Variants in NXPH1 observed in about 807,000 individuals in gnomAD.
NXPH1 encodes the protein neurexophilin-1.
NXPH1 carries 5 observed loss-of-function variants against 23.7 expected under a neutral mutation model. That is an observed-to-expected ratio of 0.21 (90% CI 0.11 to 0.44). The LOEUF is 0.44. Ranked by LOEUF, NXPH1 falls within the 20% of genes least tolerant of loss-of-function variation. The probability of loss-of-function intolerance (pLI) is 0.99; values close to 1 mark genes in which losing one functional copy is unlikely to be tolerated. For missense variants in NXPH1, 324 were observed against 321.6 expected (o/e 1.01, Z -0.06); for synonymous variants, 144 against 122.2 (o/e 1.18, Z -1.18).
intron 2 of NXPH1, among the ~76,000 whole-genome samples, chr7:8,575,606 A>C (rs191454701): frequency 2.2e-4 from 33 of 152,314 alleles, no homozygotes; most frequent in Non-Finnish European, 2.6e-4. Flanking sequence ...TGTAAGCTCC[A>C]TATTTTCAAT....
intron 2 of NXPH1, among the ~76,000 whole-genome samples, chr7:8,448,714 C>T (rs952487479): frequency 1.3e-5 from 2 of 149,678 alleles, no homozygotes; most frequent in African/African-American, 4.9e-5. Context: ...CTTTGGGAGG[C>T]TGAGGCAAGA....
chr7:8,454,150 T>A (rs1816551777), intron 2 of NXPH1, among the ~76,000 whole-genome samples: 1 of 152,022 alleles, frequency 6.6e-6, no homozygotes, highest in South Asian at 2.1e-4. Flanking sequence ...CTAGGCTTAA[T>A]ACCTGGGTGA....
At chr7:8,682,361 G>A (rs1821069308) in intron 2 of NXPH1, among the ~76,000 whole-genome samples, 1 of 152,156 alleles carries the variant, frequency 6.6e-6, no homozygotes, top group African/African-American at 2.4e-5. Context: ...TGTTTTAAAA[G>A]CACACTAAAG....
chr7:8,731,060 A>G (rs1196729571), intron 2 of NXPH1, among the ~76,000 whole-genome samples: 3 of 148,398 alleles, frequency 2.0e-5, no homozygotes, highest in African/African-American at 7.6e-5. Context: ...TTTTTTCTCT[A>G]AACTTCCCTT....
At chr7:8,471,256 G>A (rs903900186) in intron 2 of NXPH1, among the ~76,000 whole-genome samples, 4 of 152,066 alleles carry the variant, frequency 2.6e-5, no homozygotes, top group African/African-American at 4.8e-5. Flanking sequence ...CCAATGTGGC[G>A]GTACTCTACA....
chr7:8,670,036 T>G (rs937657861), intron 2 of NXPH1, among the ~76,000 whole-genome samples: 7 of 152,216 alleles, frequency 4.6e-5, no homozygotes, highest in African/African-American at 1.4e-4. Flanking sequence ...TTAGAATATT[T>G]TCTATTATAA....
chr7:8,495,885 T>A (rs1439463266), intron 2 of NXPH1, among the ~76,000 whole-genome samples: 1 of 151,972 alleles, frequency 6.6e-6, no homozygotes, highest in Non-Finnish European at 1.5e-5. Flanking sequence ...TGGAATTTAG[T>A]GGGGCAGGCA....
chr7:8,669,362 G>T (rs576976931), intron 2 of NXPH1, among the ~76,000 whole-genome samples: 1 of 152,062 alleles, frequency 6.6e-6, no homozygotes, highest in Admixed American at 6.5e-5. Flanking sequence ...CTGGCCTAGA[G>T]GTTGAGTCTG....
At chr7:8,561,193 T>G (rs560932759) in intron 2 of NXPH1, among the ~76,000 whole-genome samples, 1 of 151,544 alleles carries the variant, frequency 6.6e-6, no homozygotes, top group African/African-American at 2.4e-5. Context: ...CTTTGGTGTT[T>G]CGAAGCTCTG....
intron 2 of NXPH1, among the ~76,000 whole-genome samples, chr7:8,508,434 A>G (rs1348799500): frequency 6.6e-6 from 1 of 152,134 alleles, no homozygotes. Context: ...TCTGTCGCAT[A>G]TATCTGTAAA....
At chr7:8,675,457 C>T (rs957899461) in intron 2 of NXPH1, among the ~76,000 whole-genome samples, 1 of 152,100 alleles carries the variant, frequency 6.6e-6, no homozygotes, top group Admixed American at 6.6e-5. Context: ...AATTTCCTCA[C>T]ATTCTTGCTT....
chr7:8,478,069 A>G (rs577791054), intron 2 of NXPH1, among the ~76,000 whole-genome samples: 1 of 152,278 alleles, frequency 6.6e-6, no homozygotes, highest in Admixed American at 6.5e-5. Context: ...AGATGAATGC[A>G]TGATGACAAG....
chr7:8,435,420 C>G lies in NXPH1; in HGVS notation c.-110-184C>G, dbSNP rs1280492858. 5 of 497,134 alleles carry G rather than the reference C, an allele frequency of 1.0e-5. No homozygotes were observed. Among genetic ancestry groups the G allele is most frequent in the Non-Finnish European group, 1.8e-5 (5 of 276,682 alleles). 30.8% of individuals were successfully genotyped at this position (497,134 alleles called of 1,614,324 possible). A position where few individuals can be genotyped will look rare whatever the true frequency, so the allele number is the denominator to read the frequency against. On this transcript the variant is annotated intron_variant, in intron 1 of 2. Coordinates refer to ENST00000405863, the MANE Select transcript of NXPH1 (RefSeq NM_152745.3). This position sits in a 1 kb window ranked among gnomAD's most constrained non-coding sequence, Gnocchi z 5.9. ...CCCTCTCGTCCGCCCGCCCGCCTCC[C>G]CAGCTGCGGACCGCGCGCTTGCTGG...
At chr7:8,588,812 A>G (rs1819032620) in intron 2 of NXPH1, among the ~76,000 whole-genome samples, 1 of 152,130 alleles carries the variant, frequency 6.6e-6, no homozygotes, top group Admixed American at 6.6e-5. Context: ...TTGGGTTGAC[A>G]TGGACAGGGT....
At chr7:8,485,077 G>A (rs6971642) in intron 2 of NXPH1, among the ~76,000 whole-genome samples, 73,265 of 151,930 alleles carry the variant, frequency 0.48, 18,337 homozygotes, top group East Asian at 0.77. Flanking sequence ...CTCTTCTAAC[G>A]TAAGAAGAAC....
chr7:8,696,757 C>T (rs890379838), intron 2 of NXPH1, among the ~76,000 whole-genome samples: 12 of 150,536 alleles, frequency 8.0e-5, no homozygotes, highest in Non-Finnish European at 1.3e-4. Context: ...AGGAGAATGG[C>T]GTGAACCCGT....
intron 2 of NXPH1, among the ~76,000 whole-genome samples, chr7:8,580,721 G>A (rs1818849914): frequency 7.1e-6 from 1 of 141,730 alleles, no homozygotes; most frequent in Non-Finnish European, 1.5e-5. Flanking sequence ...TGCAGGCTGA[G>A]TTGTGTTGGT....
chr7:8,553,489 G>T (rs555952451), intron 2 of NXPH1, among the ~76,000 whole-genome samples: 2 of 151,618 alleles, frequency 1.3e-5, no homozygotes, highest in South Asian at 4.1e-4. Context: ...ACATAGTCTT[G>T]ACTTGAAGCC....
chr7:8,715,244 A>G (rs1400877366), intron 2 of NXPH1, among the ~76,000 whole-genome samples: 1 of 150,664 alleles, frequency 6.6e-6, no homozygotes, highest in Non-Finnish European at 1.5e-5. Context: ...CAATCACTAC[A>G]CTCTCCCTCC....
Sources: gnomAD v4.1 joint callset for allele counts (sites outside exome capture counted in the v4.1 genomes callset) on GRCh38, gnomAD v4.1.1 for gene constraint, Gnocchi (gnomAD v3.1) non-coding constraint, MANE v1.5 for transcripts, NCBI Gene and HGNC (gene_info 2026-07-23, HGNC 2026-07-21) for gene names.